Variants in FAM193A observed in about 807,000 individuals in gnomAD.
FAM193A encodes the protein family with sequence similarity 193 member A.
A neutral mutation model predicts 126.5 loss-of-function variants in FAM193A; 22 were observed. The observed-to-expected ratio is 0.17, with a 90% CI of 0.12 to 0.25. FAM193A has a LOEUF of 0.25. Among genes scored for constraint, FAM193A ranks in the 10% least tolerant of loss-of-function variants. FAM193A has a pLI of 1.00. For synonymous variants in FAM193A, 761 were observed against 646.8 expected (o/e 1.18, Z -2.68); for missense variants, 1,675 against 1,672.8 (o/e 1.00, Z -0.02).
At chr4:2,648,801 G>A (rs1222930508) in intron 7 of FAM193A, among the ~76,000 whole-genome samples, 1 of 152,208 alleles carries the variant, frequency 6.6e-6, no homozygotes, top group Non-Finnish European at 1.5e-5. Context: ...TAGGACAGTG[G>A]GCATTAACCT....
At chr4:2,652,515 G>A (rs930357732) in intron 7 of FAM193A, among the ~76,000 whole-genome samples, 2 of 152,214 alleles carry the variant, frequency 1.3e-5, no homozygotes, top group Non-Finnish European at 2.9e-5. Flanking sequence ...CAATCATGGT[G>A]GAAGGTGAAG....
intron 4 of FAM193A, among the ~76,000 whole-genome samples, chr4:2,628,313 T>A (rs1037409589): frequency 6.6e-6 from 1 of 152,188 alleles, no homozygotes. Flanking sequence ...TGTGAGCCAC[T>A]GGTATTGCAT....
chr4:2,590,002 G>A (rs1740430767), intron 1 of FAM193A, among the ~76,000 whole-genome samples: 1 of 151,886 alleles, frequency 6.6e-6, no homozygotes, highest in Non-Finnish European at 1.5e-5. Flanking sequence ...GGGCATGGTG[G>A]CGCAGGCATG....
chr4:2,680,580 T>TA (rs1222570492), intron 13 of FAM193A, among the ~76,000 whole-genome samples: 2 of 152,104 alleles, frequency 1.3e-5, no homozygotes, highest in Non-Finnish European at 2.9e-5. Context: ...AAAGCAGTCC[T>TA]ACTACCTCAG....
intron 1 of FAM193A, among the ~76,000 whole-genome samples, chr4:2,553,331 A>G (rs1313242772): frequency 6.6e-6 from 1 of 151,842 alleles, no homozygotes; most frequent in Non-Finnish European, 1.5e-5. Flanking sequence ...TCCACATAGC[A>G]AGATCCCGTC....
chr4:2,664,882 C>G (rs1044427320), intron 12 of FAM193A, among the ~76,000 whole-genome samples: 1 of 152,038 alleles, frequency 6.6e-6, no homozygotes, highest in Non-Finnish European at 1.5e-5. Context: ...TTTTCAAAAT[C>G]GTTTATGCTG....
intron 1 of FAM193A, among the ~76,000 whole-genome samples, chr4:2,565,174 C>G (rs980326076): frequency 9.4e-5 from 14 of 149,440 alleles, no homozygotes; most frequent in Admixed American, 6.8e-4. Flanking sequence ...TGATGAGACG[C>G]AAGCTTGTGG....
upstream of FAM193A, among the ~76,000 whole-genome samples, chr4:2,536,464 A>G (rs1226131480): frequency 6.6e-6 from 1 of 151,344 alleles, no homozygotes; most frequent in Non-Finnish European, 1.5e-5. Flanking sequence ...CTGCACGGGC[A>G]GCACGGACTT....
chr4:2,602,329 A>G (rs1741246822), intron 2 of FAM193A, among the ~76,000 whole-genome samples: 1 of 148,682 alleles, frequency 6.7e-6, no homozygotes, highest in Admixed American at 6.7e-5. Flanking sequence ...AGATGCTTGA[A>G]TCTTCCTCTA....
chr4:2,632,530 G>C (rs1743694599), intron 5 of FAM193A, among the ~76,000 whole-genome samples: 2 of 152,338 alleles, frequency 1.3e-5, no homozygotes, highest in South Asian at 4.1e-4. Context: ...CTTGGGAATA[G>C]AGTGAGATCC....
At chr4:2,540,492 A>C (rs1020760961) in intron 1 of FAM193A, among the ~76,000 whole-genome samples, 3 of 147,846 alleles carry the variant, frequency 2.0e-5, no homozygotes, top group South Asian at 2.1e-4. Flanking sequence ...AACAAACCCC[A>C]AAAAATTAGC....
intron 20 of FAM193A, among the ~76,000 whole-genome samples, chr4:2,716,608 G>A (rs1361587423): frequency 6.6e-6 from 1 of 152,072 alleles, no homozygotes; most frequent in Non-Finnish European, 1.5e-5. Context: ...TTTTCCTGAT[G>A]GGCAAGTTTT....
chr4:2,714,324 T>C (rs1254363243), intron 19 of FAM193A, among the ~76,000 whole-genome samples: 1 of 152,118 alleles, frequency 6.6e-6, no homozygotes, highest in Non-Finnish European at 1.5e-5. Flanking sequence ...TGTACAAACA[T>C]GTGGAGCCTG....
chr4:2,575,883 G>GTTCT (rs1483881429), intron 1 of FAM193A, among the ~76,000 whole-genome samples: 1 of 152,142 alleles, frequency 6.6e-6, no homozygotes, highest in African/African-American at 2.4e-5. Flanking sequence ...TTCCCTAAAT[G>GTTCT]TTCTTGTGTG....
chr4:2,626,170 T>C (rs1742945098), intron 3 of FAM193A, among the ~76,000 whole-genome samples: 1 of 152,114 alleles, frequency 6.6e-6, no homozygotes, highest in Admixed American at 6.5e-5. Context: ...GTACCCTAAT[T>C]GTGGACATTA....
intron 17 of FAM193A, among the ~76,000 whole-genome samples, chr4:2,696,029 A>AAATAAAT (rs1716993097): frequency 6.7e-6 from 1 of 150,270 alleles, no homozygotes; most frequent in African/African-American, 2.4e-5. Context: ...CCTTGTCTCA[A>AAATAAAT]AAATAAATAA....
intron 20 of FAM193A, among the ~76,000 whole-genome samples, chr4:2,717,954 C>T (rs1267060732): frequency 6.6e-6 from 1 of 152,104 alleles, no homozygotes; most frequent in Admixed American, 6.6e-5. Context: ...CACGCCCAGA[C>T]TGTCAAAATT....
intron 1 of FAM193A, among the ~76,000 whole-genome samples, chr4:2,567,100 C>T (rs1041837907): frequency 3.1e-4 from 47 of 150,960 alleles, no homozygotes; most frequent in East Asian, 9.7e-4. Context: ...CCACCATGCC[C>T]GGCTCATTTT....
At chr4:2,680,934 G>A (rs188740065) in intron 13 of FAM193A, among the ~76,000 whole-genome samples, 24 of 152,264 alleles carry the variant, frequency 1.6e-4, no homozygotes, top group Non-Finnish European at 2.8e-4. Context: ...GAGCTACAGC[G>A]CCGAGCCCAG....
Sources: gnomAD v4.1 joint callset for allele counts (sites outside exome capture counted in the v4.1 genomes callset) on GRCh38, gnomAD v4.1.1 for gene constraint, MANE v1.5 for transcripts, NCBI Gene and HGNC (gene_info 2026-07-23, HGNC 2026-07-21) for gene names.